SMAD6: variants seen among roughly 807,000 people sequenced by gnomAD.
SMAD6 encodes the protein SMAD family member 6.
In SMAD6, 103 loss-of-function variants were observed where a neutral mutation model predicts 39.4. The observed-to-expected ratio is 2.62, with a 90% CI of 2.23 to 3.08. The LOEUF is 3.08. SMAD6 is among the 30% of genes most tolerant of loss of function. The pLI, the probability that SMAD6 is intolerant of heterozygous loss-of-function variation, is 0.00. For missense variants in SMAD6, 1,104 were observed against 742.9 expected, an observed-to-expected ratio of 1.49 and a Z score of -5.65; for synonymous variants, 445 against 353.3, an observed-to-expected ratio of 1.26 and a Z score of -2.91.
chr15:66,709,223 T>G (rs1893180480), intron 1 of SMAD6, among the ~76,000 whole-genome samples: 1 of 152,246 alleles, frequency 6.6e-6, no homozygotes, highest in Non-Finnish European at 1.5e-5. Flanking sequence ...GTTAAACAGT[T>G]GTGTGCATAC....
chr15:66,716,680 T>C (rs1050600894), intron 3 of SMAD6, among the ~76,000 whole-genome samples, 182 bp downstream of exon 3: 3 of 152,274 alleles, frequency 2.0e-5, no homozygotes, highest in Admixed American at 2.0e-4. Context: ...TTAAGAACAG[T>C]CTGTATGAGT....
chr15:66,766,708 C>G (rs1317130992), intron 3 of SMAD6, among the ~76,000 whole-genome samples: 2 of 152,096 alleles, frequency 1.3e-5, no homozygotes, highest in Admixed American at 6.6e-5. Flanking sequence ...AAAGGCACCC[C>G]CTCCTCTCAC....
intron 3 of SMAD6, among the ~76,000 whole-genome samples, chr15:66,767,766 C>T (rs1894312267): frequency 6.6e-6 from 1 of 152,096 alleles, no homozygotes; most frequent in African/African-American, 2.4e-5. Context: ...TCCAGAAACA[C>T]ACAAGAATGA....
chr15:66,769,296 C>T (rs546232193), intron 3 of SMAD6, among the ~76,000 whole-genome samples: 16 of 152,292 alleles, frequency 1.1e-4, no homozygotes, highest in African/African-American at 3.9e-4. Flanking sequence ...TGAAAATCTT[C>T]CTAATTTTGG....
At chr15:66,750,108 C>T (rs546383753) in intron 3 of SMAD6, among the ~76,000 whole-genome samples, 4 of 152,058 alleles carry the variant, frequency 2.6e-5, no homozygotes, top group South Asian at 4.2e-4. Flanking sequence ...CTGTGGGGGA[C>T]GCAGGGGGCC....
intron 2 of SMAD6, among the ~76,000 whole-genome samples, chr15:66,713,467 G>A (rs899912890): frequency 1.3e-5 from 2 of 152,116 alleles, no homozygotes; most frequent in African/African-American, 4.8e-5. Flanking sequence ...CTGCAGGCAC[G>A]CGCCACCACG....
chr15:66,748,874 T>C (rs1247663844), intron 3 of SMAD6, among the ~76,000 whole-genome samples: 4 of 152,244 alleles, frequency 2.6e-5, no homozygotes, highest in Non-Finnish European at 4.4e-5. Context: ...ATATGAGCTG[T>C]AGATTCCTGG....
intron 1 of SMAD6, chr15:66,705,085 A>T (rs1595758545): frequency 6.6e-6 from 1 of 152,276 alleles, no homozygotes; most frequent in Non-Finnish European, 1.5e-5. Context: ...ACTGGCAGGG[A>T]GTCACAGGCT....
intron 3 of SMAD6, among the ~76,000 whole-genome samples, chr15:66,729,668 G>A (rs568612948): frequency 8.5e-5 from 13 of 152,324 alleles, no homozygotes; most frequent in South Asian, 4.1e-4. Context: ...GTGAGTTACC[G>A]TAAGGGATTT....
intron 3 of SMAD6, among the ~76,000 whole-genome samples, chr15:66,762,855 A>C (rs893638852): frequency 6.6e-6 from 1 of 151,978 alleles, no homozygotes; most frequent in African/African-American, 2.4e-5. Flanking sequence ...TTGGTCTTAC[A>C]ATAGCAATTT....
rs1398330469 is a variant in SMAD6 at position 66,782,004 on chromosome 15, T to C, written c.*469T>C. The C allele has an allele frequency of 1.3e-5, 5 of 398,854 alleles. No homozygotes were observed. Among genetic ancestry groups the C allele is most frequent in the African/African-American group, 1.0e-4 (5 of 48,628 alleles). 24.7% of individuals were successfully genotyped at this position (398,854 alleles called of 1,614,324 possible). A position where few individuals can be genotyped will look rare whatever the true frequency, so the allele number is the denominator to read the frequency against. ...TCGCATTATAGTTTTTTTTAAACTG[T>C]CTTCTTTTTACAAAGAGGGGCAGGT... is the stretch of plus-strand genomic sequence containing the variant. On this transcript the variant is annotated 3_prime_UTR_variant, in exon 4 of 4. Coordinates refer to ENST00000288840, the MANE Select transcript of SMAD6 (RefSeq NM_005585.5).
At chr15:66,777,698 G>T (rs2140677401) in intron 3 of SMAD6, among the ~76,000 whole-genome samples, 1 of 152,336 alleles carries the variant, frequency 6.6e-6, no homozygotes, top group East Asian at 1.9e-4. Flanking sequence ...GGGAGGGGCT[G>T]CAGTTCAGGT....
chr15:66,756,144 A>G lies in SMAD6; in HGVS notation c.953-24853A>G, dbSNP rs74019773. 7.6e-3 allele frequency among the ~76,000 whole-genome samples: 1,155 copies of G among 151,924 alleles called. 14 individuals carry two copies. The highest frequency in any genetic ancestry group is 0.026 in the African/African-American group (1,081 of 41,414). ...TCCCTGTCCCTCATTTGTTGTATCC[A>G]TGGGAAAACTAGGTAACATTATAAT... is the stretch of plus-strand genomic sequence containing the variant. On this transcript the variant is annotated intron_variant, in intron 3 of 3. Transcript: ENST00000288840.
chr15:66,710,052 T>G (rs1337516663), intron 1 of SMAD6, among the ~76,000 whole-genome samples: 1 of 152,188 alleles, frequency 6.6e-6, no homozygotes, highest in Non-Finnish European at 1.5e-5. Flanking sequence ...AGACAGGGCA[T>G]CTCTTGATTC....
intron 2 of SMAD6, among the ~76,000 whole-genome samples, chr15:66,713,573 C>G (rs191972900): frequency 6.6e-6 from 1 of 152,234 alleles, no homozygotes; most frequent in Non-Finnish European, 1.5e-5. Flanking sequence ...CCTCCTTGGC[C>G]TCCCAAAGTG....
At chr15:66,717,462 T>C in intron 3 of SMAD6, 2 of 455,752 alleles carry the variant, frequency 4.4e-6, no homozygotes, top group Non-Finnish European at 8.8e-6. Context: ...CCAGGGTTTG[T>C]GCTCTTCATC....
chr15:66,776,845 G>A (rs1008784273), intron 3 of SMAD6, among the ~76,000 whole-genome samples: 9 of 152,192 alleles, frequency 5.9e-5, no homozygotes, highest in Admixed American at 5.2e-4. Context: ...ACCAAGACAG[G>A]CAGATTGCTT....
rs2140581485 is a variant in SMAD6, at chr15:66,703,640, C to CT, written c.383dup (p.Phe129LeufsTer174). ...TGACTGCGAGACGGTGACCTGCTGT[C>CT]TCTTTTCGGAGCGGGACGCCGCCGG... On this transcript the variant is annotated frameshift_variant, in exon 1 of 4. Coordinates refer to ENST00000288840, the MANE Select transcript of SMAD6 (RefSeq NM_005585.5). LOFTEE classifies it high-confidence loss of function. 2 of 1,233,410 alleles carry CT rather than the reference C, an allele frequency of 1.6e-6. No individual in the cohort carries two copies. The highest frequency in any genetic ancestry group is 2.0e-6 in the Non-Finnish European group (2 of 986,820). 76.4% of individuals were successfully genotyped at this position (1,233,410 alleles called of 1,614,324 possible). A position where few individuals can be genotyped will look rare whatever the true frequency, so the allele number is the denominator to read the frequency against.
At chr15:66,733,521 G>C (rs1429040666) in intron 3 of SMAD6, among the ~76,000 whole-genome samples, 1 of 152,016 alleles carries the variant, frequency 6.6e-6, no homozygotes, top group Non-Finnish European at 1.5e-5. Context: ...TGTTAAACTT[G>C]TACTTAGGTA....
Sources: allele counts gnomAD v4.1 joint callset (sites outside exome capture counted in the v4.1 genomes callset), GRCh38; gene constraint gnomAD v4.1.1; transcripts MANE v1.5; gene names NCBI Gene and HGNC (gene_info 2026-07-23, HGNC 2026-07-21).